SAMD4B: variants seen among roughly 807,000 people sequenced by gnomAD.
SAMD4B encodes the protein protein Smaug homolog 2.
In SAMD4B, 5 loss-of-function variants were observed where a neutral mutation model predicts 74.5. The observed-to-expected ratio is 0.07, with a 90% CI of 0.04 to 0.14. The LOEUF is 0.14. Among genes scored for constraint, SAMD4B ranks in the 10% least tolerant of loss-of-function variants. The pLI is 1.00. For missense variants in SAMD4B, 608 were observed against 921.8 expected (o/e 0.66, Z 4.41); for synonymous variants, 373 against 374.9 (o/e 1.00, Z 0.06).
At chr19:39,382,066 G>T (rs562200445) in intron 12 of SAMD4B, among the ~76,000 whole-genome samples, 1 of 151,882 alleles carries the variant, frequency 6.6e-6, no homozygotes, top group Admixed American at 6.5e-5. Flanking sequence ...GATAAGGCTC[G>T]TCTGGAATGG....
chr19:39,356,880 C>G lies in SAMD4B; in HGVS notation c.-14C>G. 6.3e-7 allele frequency: 1 copy of G among 1,597,824 alleles called. No homozygotes were observed. The highest frequency in any genetic ancestry group is 1.1e-5 in the South Asian group (1 of 90,014). On this transcript the variant is annotated 5_prime_UTR_variant, in exon 3 of 14. Transcript: ENST00000610417. ...CCACCGCCGTCCCCCGACCCTGGCC[C>G]CAGGCCCGGCACCATGATGTTCCGA...
At chr19:39,345,346 C>T (rs544544526) in intron 1 of SAMD4B, among the ~76,000 whole-genome samples, 2 of 152,220 alleles carry the variant, frequency 1.3e-5, no homozygotes, top group South Asian at 4.1e-4. Context: ...TTACTCCATC[C>T]TCTGAGCAGT....
chr19:39,376,385 C>A, intron 5 of SAMD4B, 52 bp from the exon 6 acceptor site: 1 of 1,475,174 alleles, frequency 6.8e-7, no homozygotes, highest in East Asian at 2.3e-5. Context: ...TTCCTTTACC[C>A]TGGTAATCTG....
At chr19:39,388,754 C>T, downstream of SAMD4B, 3 of 1,611,896 alleles carry the variant, frequency 1.9e-6, no homozygotes, top group Non-Finnish European at 2.5e-6. Context: ...GACAGCAGGA[C>T]CACCTACCTA....
At chr19:39,389,144 C>A, downstream of SAMD4B, 1 of 1,614,126 alleles carries the variant, frequency 6.2e-7, no homozygotes, top group Non-Finnish European at 8.5e-7. The surrounding 1 kb of genome is among the most constrained non-coding windows in gnomAD (Gnocchi z 5.3). Flanking sequence ...TCTGGCTATC[C>A]CTGTCTTTGT....
intron 1 of SAMD4B, among the ~76,000 whole-genome samples, chr19:39,343,214 G>A (rs182847462): frequency 2.0e-5 from 3 of 151,094 alleles, no homozygotes; most frequent in Admixed American, 2.0e-4. Context: ...AGCCCAACAG[G>A]CTCACCCGAC....
chr19:39,388,996 T>C, downstream of SAMD4B: 1 of 1,614,174 alleles, frequency 6.2e-7, no homozygotes, highest in Non-Finnish European at 8.5e-7. Flanking sequence ...GACTCGGGGT[T>C]TGCTGTAATG....
intron 4 of SAMD4B, among the ~76,000 whole-genome samples, chr19:39,371,804 G>A (rs1458177505): frequency 1.4e-5 from 2 of 145,768 alleles, no homozygotes; most frequent in Non-Finnish European, 3.0e-5. Context: ...GCAACAGAGC[G>A]AGACCCCATC....
At chr19:39,379,873 C>A in intron 9 of SAMD4B, 93 bp from the exon 10 acceptor site, 1 of 1,107,212 alleles carries the variant, frequency 9.0e-7, no homozygotes, top group Non-Finnish European at 1.3e-6. Flanking sequence ...CCCGGCCAGG[C>A]AATAAATATT....
chr19:39,389,760 A>C, downstream of SAMD4B: 1 of 1,614,116 alleles, frequency 6.2e-7, no homozygotes, highest in Non-Finnish European at 8.5e-7. This position sits in a 1 kb window ranked among gnomAD's most constrained non-coding sequence, Gnocchi z 5.3. Context: ...TACTGGACGA[A>C]CCTGGGTGGG....
chr19:39,357,929 C>T (rs1268851632), intron 3 of SAMD4B, among the ~76,000 whole-genome samples: 1 of 152,190 alleles, frequency 6.6e-6, no homozygotes, highest in Non-Finnish European at 1.5e-5. Flanking sequence ...TCATATTGAG[C>T]CTTTACAGCA....
chr19:39,382,234 G>C (rs2078037522), intron 12 of SAMD4B, among the ~76,000 whole-genome samples: 1 of 152,168 alleles, frequency 6.6e-6, no homozygotes, highest in Non-Finnish European at 1.5e-5. Context: ...ACACACAGTA[G>C]GCATCTGTAA....
intron 3 of SAMD4B, among the ~76,000 whole-genome samples, chr19:39,360,323 G>A (rs2076577824): frequency 6.6e-6 from 1 of 152,226 alleles, no homozygotes; most frequent in Admixed American, 6.5e-5. Flanking sequence ...GTAATGCCTA[G>A]CCAGGGTTGA....
chr19:39,362,440 G>A (rs1470234648), intron 3 of SAMD4B, among the ~76,000 whole-genome samples: 5 of 152,176 alleles, frequency 3.3e-5, no homozygotes, highest in Non-Finnish European at 7.3e-5. Flanking sequence ...GGAAGGTATA[G>A]GGAAGTCCTC....
At chr19:39,370,897 G>A (rs1477609998) in intron 4 of SAMD4B, among the ~76,000 whole-genome samples, 1 of 152,244 alleles carries the variant, frequency 6.6e-6, no homozygotes, top group African/African-American at 2.4e-5. Flanking sequence ...GTGAAGTGAT[G>A]TGTTCAAAGT....
intron 3 of SAMD4B, among the ~76,000 whole-genome samples, chr19:39,360,390 C>T (rs1401245658): frequency 6.6e-6 from 1 of 152,002 alleles, no homozygotes; most frequent in African/African-American, 2.4e-5. Context: ...GGTTTTTATC[C>T]ATAGCCCCAT....
In SAMD4B at chr19:39,377,756, GTGAGC is replaced by G; in HGVS notation, c.1377_1381del (p.Glu460CysfsTer49). On this transcript the variant is annotated frameshift_variant, in exon 8 of 14. Transcript: ENST00000610417. LOFTEE classifies it high-confidence loss of function. ...CCAGCTCCAGCTCCCACTGATGGCAGTGAGCCTGCCCCGGCTCCCGTCGCCGACGG... is the reference window on the plus strand; with the variant it reads ...CCAGCTCCAGCTCCCACTGATGGCAGCTGCCCCGGCTCCCGTCGCCGACGG... 6.2e-7 allele frequency: 1 copy of G among 1,614,142 alleles called. No individual in the cohort carries two copies. The highest frequency in any genetic ancestry group is 8.5e-7 in the Non-Finnish European group (1 of 1,179,982).
intron 4 of SAMD4B, among the ~76,000 whole-genome samples, chr19:39,373,018 G>C (rs1462273347): frequency 2.0e-5 from 3 of 152,168 alleles, no homozygotes; most frequent in African/African-American, 7.2e-5. Flanking sequence ...TTCCTAGCCA[G>C]GAGCATTAGT....
Position 39,356,859 on chromosome 19 carries a change from C to A in SAMD4B, c.-35C>A. 1 of 1,567,262 alleles carries A rather than the reference C, an allele frequency of 6.4e-7. No individual in the cohort carries two copies. Among genetic ancestry groups the A allele is most frequent in the South Asian group, 1.2e-5 (1 of 86,890 alleles). ...ATGTGACGGCGCTGGCCCTCGCCAC[C>A]GCCGTCCCCCGACCCTGGCCCCAGG... On this transcript the variant is annotated 5_prime_UTR_variant, in exon 3 of 14. Transcript: ENST00000610417.
Sources: gnomAD v4.1 joint callset for allele counts (sites outside exome capture counted in the v4.1 genomes callset) on GRCh38, gnomAD v4.1.1 for gene constraint, Gnocchi (gnomAD v3.1) non-coding constraint, MANE v1.5 for transcripts, NCBI Gene and HGNC (gene_info 2026-07-23, HGNC 2026-07-21) for gene names.